ACTR3C: variants seen among roughly 807,000 people sequenced by gnomAD.
The protein encoded by ACTR3C is actin-related protein 3C.
In ACTR3C, 18 loss-of-function variants were observed where a neutral mutation model predicts 26.3. That is an observed-to-expected ratio of 0.68 (90% confidence interval 0.47 to 1.01). The LOEUF is 1.01. ACTR3C is among the 50% of genes least tolerant of loss of function. ACTR3C has a pLI of 0.00. For missense variants in ACTR3C, 184 were observed against 250.7 expected, an observed-to-expected ratio of 0.73 and a Z score of 1.80; for synonymous variants, 55 against 94.5, an observed-to-expected ratio of 0.58 and a Z score of 2.42.
the ACTR3C span, among the ~76,000 whole-genome samples, chr7:150,038,041 G>C: frequency 6.2e-4 from 87 of 141,370 alleles, 11 homozygotes; most frequent in Non-Finnish European, 1.2e-3. Context: ...AAGAGCCATG[G>C]GGGGAAGAGG....
the ACTR3C span, among the ~76,000 whole-genome samples, chr7:149,987,308 G>A: frequency 6.6e-6 from 1 of 151,948 alleles, no homozygotes; most frequent in African/African-American, 2.4e-5. Context: ...GCTCACGCCT[G>A]TAATCCCAGC....
chr7:150,089,247 C>T, the ACTR3C span, among the ~76,000 whole-genome samples: 17 of 152,306 alleles, frequency 1.1e-4, no homozygotes, highest in African/African-American at 3.8e-4. Flanking sequence ...TGCAATGGAA[C>T]AGCCCAAAGA....
At chr7:150,186,899 T>A in the ACTR3C span, among the ~76,000 whole-genome samples, 8 of 152,124 alleles carry the variant, frequency 5.3e-5, no homozygotes, top group Admixed American at 2.0e-4. Flanking sequence ...AAAGGACTCA[T>A]AGCTAAATAA....
chr7:150,041,057 A>T, the ACTR3C span, among the ~76,000 whole-genome samples: 1,396 of 150,682 alleles, frequency 9.3e-3, 63 homozygotes, highest in African/African-American at 0.033. Flanking sequence ...TTAAAAGTCC[A>T]GCTGCCATCT....
At chr7:149,978,947 C>T in the ACTR3C span, among the ~76,000 whole-genome samples, 133,280 of 151,524 alleles carry the variant, frequency 0.88, 58,593 homozygotes, top group East Asian at 1. Flanking sequence ...CTCAGTCTCA[C>T]GGTACTGGGT....
the ACTR3C span, among the ~76,000 whole-genome samples, chr7:150,006,831 C>T: frequency 2.0e-5 from 3 of 152,204 alleles, no homozygotes; most frequent in Admixed American, 6.5e-5. Flanking sequence ...AGGTTTTATT[C>T]TTCCTGTTAT....
the ACTR3C span, among the ~76,000 whole-genome samples, chr7:150,223,351 C>T: frequency 6.6e-6 from 1 of 152,108 alleles, no homozygotes; most frequent in Admixed American, 6.5e-5. Flanking sequence ...TAGTTTTCAA[C>T]TATTTATGGA....
the ACTR3C span, among the ~76,000 whole-genome samples, chr7:150,051,814 T>C: frequency 6.6e-6 from 1 of 151,734 alleles, no homozygotes. Context: ...ATTTTTAAAA[T>C]GACAATGAAG....
At chr7:150,091,854 G>A in the ACTR3C span, among the ~76,000 whole-genome samples, 1 of 150,640 alleles carries the variant, frequency 6.6e-6, no homozygotes, top group East Asian at 1.9e-4. Flanking sequence ...CGGGCGTGGT[G>A]GCGGGCGCCT....
At chr7:150,019,196 G>C in the ACTR3C span, among the ~76,000 whole-genome samples, 52,191 of 149,578 alleles carry the variant, frequency 0.35, 10,361 homozygotes, top group East Asian at 0.44. Context: ...AGAGAGTTGA[G>C]ATCATGAAGG....
the ACTR3C span, among the ~76,000 whole-genome samples, chr7:150,233,028 C>A: frequency 6.6e-6 from 1 of 151,998 alleles, no homozygotes; most frequent in East Asian, 1.9e-4. Flanking sequence ...AAAAGATTTT[C>A]TTTTACCTTT....
chr7:149,976,366 A>C, the ACTR3C span, among the ~76,000 whole-genome samples: 1 of 152,012 alleles, frequency 6.6e-6, no homozygotes, highest in East Asian at 1.9e-4. Context: ...CGAGGTCAGG[A>C]GATCAAGACC....
chr7:149,964,575 C>G, the ACTR3C span, among the ~76,000 whole-genome samples: 4 of 152,156 alleles, frequency 2.6e-5, no homozygotes, highest in Non-Finnish European at 5.9e-5. Context: ...ATTAAGTGGC[C>G]CATGGCAGGT....
the ACTR3C span, among the ~76,000 whole-genome samples, chr7:150,125,545 T>C: frequency 6.6e-6 from 1 of 152,212 alleles, no homozygotes; most frequent in East Asian, 1.9e-4. Flanking sequence ...CACAGAAGAC[T>C]CCTTTCATAA....
the ACTR3C span, among the ~76,000 whole-genome samples, chr7:150,186,212 C>A: frequency 1.3e-5 from 2 of 152,140 alleles, no homozygotes; most frequent in African/African-American, 4.8e-5. Flanking sequence ...GAGAATACAC[C>A]TAAGTGACTA....
the ACTR3C span, among the ~76,000 whole-genome samples, chr7:150,181,555 C>G: frequency 6.7e-6 from 1 of 150,352 alleles, no homozygotes; most frequent in Admixed American, 6.6e-5. Context: ...GGTGGCACCA[C>G]TGCACTCCAG....
At chr7:150,272,675 T>C (rs1370711190) in intron 6 of ACTR3C, among the ~76,000 whole-genome samples, 1 of 129,862 alleles carries the variant, frequency 7.7e-6, no homozygotes, top group Non-Finnish European at 1.5e-5. Context: ...AGTGTCTTTT[T>C]TGTGTGTTTT....
the ACTR3C span, among the ~76,000 whole-genome samples, chr7:150,038,233 C>A: frequency 1.4e-5 from 2 of 144,196 alleles, no homozygotes; most frequent in African/African-American, 5.3e-5. Context: ...GCTGCCAAGG[C>A]CCTCAAATAG....
Position 150,308,406 on chromosome 7 carries a change from C to T in ACTR3C, c.-51-13059G>A, listed in dbSNP as rs74718465. ...ACAATGGTTCCAAGTGGCCAGAAAACGGCACTTTCGATTTCTCCATCCCAC... is the reference window on the plus strand; with the variant it reads ...ACAATGGTTCCAAGTGGCCAGAAAATGGCACTTTCGATTTCTCCATCCCAC... On this transcript the variant is annotated intron_variant, in intron 1 of 7. Transcript: ENST00000683684. 4.8e-3 allele frequency among the ~76,000 whole-genome samples: 726 copies of T among 152,248 alleles called. 3 individuals carry two copies. The highest frequency in any genetic ancestry group is 0.015 in the African/African-American group (619 of 41,540).
Sources: gnomAD v4.1 joint callset for allele counts (sites outside exome capture counted in the v4.1 genomes callset) on GRCh38, gnomAD v4.1.1 for gene constraint, MANE v1.5 for transcripts, NCBI Gene and HGNC (gene_info 2026-07-23, HGNC 2026-07-21) for gene names.